The following TBC1D32 variants were observed in gnomAD, a reference collection of about 807,000 sequenced individuals.
TBC1D32 encodes the protein TBC1 domain family member 32.
Under a neutral mutation model 170.3 loss-of-function variants are expected in TBC1D32, and 151 were observed. That is an observed-to-expected ratio of 0.89 (90% confidence interval 0.78 to 1.01). The LOEUF (loss-of-function observed/expected upper bound fraction) is 1.01. Among genes scored for constraint, TBC1D32 ranks in the 50% least tolerant of loss-of-function variants. TBC1D32 has a pLI of 0.00. For synonymous variants in TBC1D32, 498 were observed against 488.0 expected (o/e 1.02, Z -0.27); for missense variants, 1,464 against 1,457.1 (o/e 1.00, Z -0.08).
intron 21 of TBC1D32, among the ~76,000 whole-genome samples, chr6:121,222,393 T>C (rs1247928483): frequency 1.3e-5 from 2 of 152,082 alleles, no homozygotes; most frequent in African/African-American, 4.8e-5. Context: ...CAAAATACAA[T>C]TGAAAAACTT....
At chr6:121,145,063 C>T (rs1339205124) in intron 24 of TBC1D32, among the ~76,000 whole-genome samples, 1 of 151,970 alleles carries the variant, frequency 6.6e-6, no homozygotes, top group Non-Finnish European at 1.5e-5. Context: ...ACAAGTGGGT[C>T]CAAGAGAGAA....
chr6:121,257,279 T>C (rs1799171895), intron 15 of TBC1D32, among the ~76,000 whole-genome samples: 1 of 152,184 alleles, frequency 6.6e-6, no homozygotes, highest in Non-Finnish European at 1.5e-5. Context: ...TCATAGTTGG[T>C]TGCCGCTGTC....
intron 30 of TBC1D32, among the ~76,000 whole-genome samples, chr6:121,097,782 T>C (rs1029813650): frequency 2.6e-5 from 4 of 152,082 alleles, no homozygotes; most frequent in Non-Finnish European, 4.4e-5. Context: ...AGCAAAGACT[T>C]GGAACCAACC....
At chr6:121,098,671 G>A (rs1171592476) in intron 30 of TBC1D32, among the ~76,000 whole-genome samples, 2 of 151,978 alleles carry the variant, frequency 1.3e-5, no homozygotes, top group Non-Finnish European at 2.9e-5. Flanking sequence ...CAACTAAAAA[G>A]AGCAAGACAA....
chr6:121,127,734 T>C (rs1781004873), intron 25 of TBC1D32, among the ~76,000 whole-genome samples: 1 of 152,162 alleles, frequency 6.6e-6, no homozygotes, highest in Admixed American at 6.5e-5. Flanking sequence ...GAAGTTCAGA[T>C]ATAATCATTC....
chr6:121,181,590 CTAAT>C (rs1447989456), intron 22 of TBC1D32, among the ~76,000 whole-genome samples: 3 of 152,012 alleles, frequency 2.0e-5, no homozygotes, highest in Non-Finnish European at 4.4e-5. Context: ...TGAGAACAGA[CTAAT>C]AAACATATGA....
At chr6:121,305,066 G>C (rs1260404572) in intron 5 of TBC1D32, among the ~76,000 whole-genome samples, 1 of 151,992 alleles carries the variant, frequency 6.6e-6, no homozygotes, top group Non-Finnish European at 1.5e-5. Context: ...TGCACAATCC[G>C]GTCATAGTAT....
At chr6:121,248,189 T>C (rs888993339) in intron 17 of TBC1D32, among the ~76,000 whole-genome samples, 10 of 152,112 alleles carry the variant, frequency 6.6e-5, no homozygotes, top group South Asian at 4.2e-4. Context: ...TACAAATACA[T>C]GGAAATTAAA....
intron 30 of TBC1D32, among the ~76,000 whole-genome samples, chr6:121,092,965 T>A (rs957868426): frequency 6.6e-6 from 1 of 152,166 alleles, no homozygotes; most frequent in Non-Finnish European, 1.5e-5. Context: ...AACCTTTAAA[T>A]AAGGCTATTA....
chr6:121,091,483 C>G (rs1776795732), intron 30 of TBC1D32, among the ~76,000 whole-genome samples: 1 of 152,054 alleles, frequency 6.6e-6, no homozygotes, highest in African/African-American at 2.4e-5. Context: ...TGCAAATGGA[C>G]TCTTCCTGAA....
At chr6:121,152,737 T>C (rs1428993121) in intron 24 of TBC1D32, among the ~76,000 whole-genome samples, 2 of 152,142 alleles carry the variant, frequency 1.3e-5, no homozygotes, top group African/African-American at 4.8e-5. Context: ...CTTCATGCTT[T>C]ATTTCATGAA....
chr6:121,308,594 TG>T (rs1454874149), intron 4 of TBC1D32, among the ~76,000 whole-genome samples: 1 of 151,830 alleles, frequency 6.6e-6, no homozygotes, highest in African/African-American at 2.4e-5. Context: ...CCATATTTTC[TG>T]GCCTTCTGAC....
chr6:121,196,100 C>T (rs1282379987), intron 22 of TBC1D32, among the ~76,000 whole-genome samples: 1 of 152,202 alleles, frequency 6.6e-6, no homozygotes. Flanking sequence ...TGCTCACCAA[C>T]AGGTGACCTC....
At position 121,304,235 on chromosome 6, in the gene TBC1D32, T is replaced by C. The variant is rs569473674; in HGVS notation, c.935+130A>G. 77 of 715,500 alleles carry C rather than the reference T, an allele frequency of 1.1e-4. 1 individual carries two copies. Among genetic ancestry groups the C allele is most frequent in the African/African-American group, 5.3e-4 (29 of 54,508 alleles). 44.3% of individuals were successfully genotyped at this position (715,500 alleles called of 1,614,324 possible). ...ATGACAAGCTGAAGAAAAATAAAAA[T>C]AAAAATTTTATTAATCCCTTCCCAA... On this transcript the variant is annotated intron_variant, in intron 8 of 31. Coordinates refer to ENST00000398212, the MANE Select transcript of TBC1D32 (RefSeq NM_152730.6).
At chr6:121,204,104 T>G (rs9490137) in intron 22 of TBC1D32, among the ~76,000 whole-genome samples, 28,722 of 150,536 alleles carry the variant, frequency 0.19, 6,154 homozygotes, top group African/African-American at 0.51. Context: ...AATTCTACTG[T>G]AGTTTTTCCT....
chr6:121,226,022 G>A (rs960694386), intron 20 of TBC1D32, among the ~76,000 whole-genome samples: 9 of 152,004 alleles, frequency 5.9e-5, no homozygotes, highest in Non-Finnish European at 1.0e-4. Context: ...AAAAGTCAAC[G>A]TTTGATATAT....
chr6:121,235,379 A>G (rs954052068), intron 20 of TBC1D32, among the ~76,000 whole-genome samples: 5 of 152,002 alleles, frequency 3.3e-5, no homozygotes. Context: ...GGGGGCAGGG[A>G]GAGGCGTGTC....
At chr6:121,316,189 T>A (rs1808917093) in intron 3 of TBC1D32, among the ~76,000 whole-genome samples, 1 of 152,180 alleles carries the variant, frequency 6.6e-6, no homozygotes, top group Non-Finnish European at 1.5e-5. Flanking sequence ...GCATTTGGAA[T>A]TCGACAAGGT....
chr6:121,137,860 T>C (rs1325373093), intron 24 of TBC1D32, among the ~76,000 whole-genome samples: 1 of 152,024 alleles, frequency 6.6e-6, no homozygotes, highest in South Asian at 2.1e-4. Flanking sequence ...AATTACTTTC[T>C]AGGATGTCAG....
Sources: allele counts gnomAD v4.1 joint callset (sites outside exome capture counted in the v4.1 genomes callset), GRCh38; gene constraint gnomAD v4.1.1; transcripts MANE v1.5; gene names NCBI Gene and HGNC (gene_info 2026-07-23, HGNC 2026-07-21).